Variants in KCNH1 observed in about 807,000 individuals in gnomAD.
KCNH1 encodes voltage-gated delayed rectifier potassium channel KCNH1.
A neutral mutation model predicts 69.2 loss-of-function variants in KCNH1; 27 were observed. The observed-to-expected ratio is 0.39, with a 90% CI of 0.29 to 0.54. The LOEUF (loss-of-function observed/expected upper bound fraction) is 0.54. Among genes scored for constraint, KCNH1 ranks in the 20% least tolerant of loss-of-function variants. The pLI, the probability that KCNH1 is intolerant of heterozygous loss-of-function variation, is 0.68. For missense variants in KCNH1, 798 were observed against 1,261.6 expected (o/e 0.63, Z 5.57); for synonymous variants, 456 against 487.7 (o/e 0.93, Z 0.86).
intron 7 of KCNH1, among the ~76,000 whole-genome samples, chr1:210,808,312 A>G (rs1684628979): frequency 6.6e-6 from 1 of 152,138 alleles, no homozygotes; most frequent in Non-Finnish European, 1.5e-5. Flanking sequence ...CACCAAATCA[A>G]TATAGTAAGA....
intron 6 of KCNH1, among the ~76,000 whole-genome samples, chr1:211,009,266 C>T (rs1403732530): frequency 2.0e-5 from 3 of 152,122 alleles, no homozygotes; most frequent in Non-Finnish European, 4.4e-5. Context: ...ACAACAGTTA[C>T]AGTTTCAATA....
intron 7 of KCNH1, among the ~76,000 whole-genome samples, chr1:210,806,162 A>T (rs906443192): frequency 1.3e-5 from 2 of 152,236 alleles, no homozygotes; most frequent in Non-Finnish European, 2.9e-5. Context: ...AAGTAACTGC[A>T]CCACTTTACA....
At chr1:210,717,006 A>AGTT (rs1391811261) in intron 10 of KCNH1, among the ~76,000 whole-genome samples, 1 of 152,166 alleles carries the variant, frequency 6.6e-6, no homozygotes, top group African/African-American at 2.4e-5. Flanking sequence ...TGATATGATG[A>AGTT]GTTTATATCT....
intron 10 of KCNH1, among the ~76,000 whole-genome samples, chr1:210,734,835 A>G (rs186471997): frequency 6.6e-6 from 1 of 152,276 alleles, no homozygotes. Flanking sequence ...TGAAGGACTA[A>G]AGGAAATAAT....
At chr1:211,020,580 C>G (rs1689571081) in intron 5 of KCNH1, among the ~76,000 whole-genome samples, 1 of 151,962 alleles carries the variant, frequency 6.6e-6, no homozygotes, top group African/African-American at 2.4e-5. Context: ...GAACTAGTAC[C>G]AGTTATTCTC....
intron 7 of KCNH1, among the ~76,000 whole-genome samples, chr1:210,834,979 A>G (rs1035303500): frequency 2.0e-4 from 30 of 152,116 alleles, no homozygotes; most frequent in Non-Finnish European, 3.8e-4. Flanking sequence ...GCTGACAGAG[A>G]CACCCTCCCT....
At chr1:210,715,813 T>G (rs931335982) in intron 10 of KCNH1, among the ~76,000 whole-genome samples, 4 of 151,970 alleles carry the variant, frequency 2.6e-5, no homozygotes, top group Non-Finnish European at 5.9e-5. Context: ...ACCAACAACC[T>G]CTGGGAGTGA....
chr1:211,104,413 TA>T (rs1480405721), intron 2 of KCNH1, among the ~76,000 whole-genome samples: 1 of 152,170 alleles, frequency 6.6e-6, no homozygotes, highest in African/African-American at 2.4e-5. Context: ...AATGTACATG[TA>T]ATTTATTAGA....
chr1:211,040,234 T>C (rs2102431025), intron 5 of KCNH1, among the ~76,000 whole-genome samples: 2 of 148,002 alleles, frequency 1.4e-5, no homozygotes, highest in Middle Eastern at 7.1e-3. Flanking sequence ...TGGGAAGGCA[T>C]GATTGGTTTT....
At chr1:210,862,365 C>T (rs535585859) in intron 7 of KCNH1, 30 of 652,684 alleles carry the variant, frequency 4.6e-5, no homozygotes, top group South Asian at 9.6e-5. Context: ...ATGGACCTGC[C>T]GCAGCGGCAA....
intron 7 of KCNH1, among the ~76,000 whole-genome samples, chr1:210,809,184 G>A (rs888561379): frequency 1.3e-5 from 2 of 150,040 alleles, no homozygotes; most frequent in Non-Finnish European, 3.0e-5. Flanking sequence ...GTGGGGGAGG[G>A]AGGGAGGGTG....
intron 10 of KCNH1, among the ~76,000 whole-genome samples, chr1:210,721,682 T>G (rs1184463151): frequency 2.0e-5 from 3 of 152,080 alleles, no homozygotes; most frequent in Non-Finnish European, 4.4e-5. Context: ...GGGATAGCAT[T>G]AGGAGATATA....
intron 5 of KCNH1, among the ~76,000 whole-genome samples, chr1:211,028,633 A>T (rs560272912): frequency 1.3e-5 from 2 of 151,330 alleles, no homozygotes; most frequent in East Asian, 1.9e-4. Flanking sequence ...CTGGAGACAT[A>T]AAAAAAAATA....
intron 1 of KCNH1, among the ~76,000 whole-genome samples, chr1:211,127,541 A>T (rs12119695): frequency 0.38 from 58,257 of 151,972 alleles, 11,435 homozygotes; most frequent in Middle Eastern, 0.43. Context: ...CCTCAGAGAG[A>T]ATACTTCAAC....
chr1:210,736,696 C>A (rs1357190305), intron 10 of KCNH1, among the ~76,000 whole-genome samples: 1 of 152,084 alleles, frequency 6.6e-6, no homozygotes, highest in Non-Finnish European at 1.5e-5. Context: ...CCCAAATAAT[C>A]CTGAGCATCT....
chr1:210,769,148 G>T (rs893322784), intron 10 of KCNH1, among the ~76,000 whole-genome samples: 3 of 152,120 alleles, frequency 2.0e-5, no homozygotes, highest in South Asian at 2.1e-4. Context: ...TAAAACTTAG[G>T]CTATGATGAC....
chr1:210,861,197 G>A, intron 7 of KCNH1: 1 of 968,468 alleles, frequency 1.0e-6, no homozygotes, highest in Non-Finnish European at 1.7e-6. Context: ...ATCAGCATCT[G>A]TATAACACAT....
intron 1 of KCNH1, among the ~76,000 whole-genome samples, chr1:211,116,855 G>C (rs1691592478): frequency 6.6e-6 from 1 of 152,154 alleles, no homozygotes; most frequent in Non-Finnish European, 1.5e-5. Context: ...AGCTTGAGAA[G>C]GGAAACAAAT....
intron 7 of KCNH1, among the ~76,000 whole-genome samples, chr1:210,821,343 A>G (rs1055753627): frequency 1.3e-5 from 2 of 152,182 alleles, no homozygotes; most frequent in Non-Finnish European, 2.9e-5. Context: ...TTCAGTTGGT[A>G]TATTAATATT....
Sources: gnomAD v4.1 joint callset for allele counts (sites outside exome capture counted in the v4.1 genomes callset) on GRCh38, gnomAD v4.1.1 for gene constraint, MANE v1.5 for transcripts, NCBI Gene and HGNC (gene_info 2026-07-23, HGNC 2026-07-21) for gene names.